Variants in SOX13 observed in about 807,000 individuals in gnomAD.
SOX13 encodes the protein SRY-box transcription factor 13.
A neutral mutation model predicts 71.8 loss-of-function variants in SOX13; 28 were observed. The ratio of observed to expected loss-of-function variants is 0.39; its 90% CI spans 0.29 to 0.53. SOX13 has a LOEUF of 0.53. SOX13 is among the 20% of genes least tolerant of loss of function. The probability of loss-of-function intolerance (pLI) is 0.70; values close to 1 mark genes in which losing one functional copy is unlikely to be tolerated. For missense variants in SOX13, 627 were observed against 810.3 expected (o/e 0.77, Z 2.75); for synonymous variants, 309 against 317.8 (o/e 0.97, Z 0.29).
intron 2 of SOX13, among the ~76,000 whole-genome samples, chr1:204,113,770 G>C (rs1656633686): frequency 6.6e-6 from 1 of 152,146 alleles, no homozygotes; most frequent in Non-Finnish European, 1.5e-5. Flanking sequence ...TGGAGAAGTA[G>C]AGCCTCAAGC....
At chr1:204,124,967 CTGTGTGTATGCGTACG>C in intron 13 of SOX13, 110 bp downstream of exon 13, 1 of 778,620 alleles carries the variant, frequency 1.3e-6, no homozygotes, top group Non-Finnish European at 2.2e-6. Context: ...CCCAGGGGTG[CTGTGTGTATGCGTACG>C]TGTGTGTGTT....
At chr1:204,094,262 G>T (rs576525523) in intron 1 of SOX13, among the ~76,000 whole-genome samples, 11 of 152,186 alleles carry the variant, frequency 7.2e-5, no homozygotes, top group Non-Finnish European at 1.0e-4. Flanking sequence ...TTGAGTTTGT[G>T]GCAGAGTTGA....
chr1:204,074,870 G>A (rs999384990), intron 1 of SOX13, among the ~76,000 whole-genome samples: 1 of 152,252 alleles, frequency 6.6e-6, no homozygotes, highest in African/African-American at 2.4e-5. Flanking sequence ...CAGAGGCTTG[G>A]AGGAAGCCGA....
chr1:204,092,634 T>C (rs2102233438), intron 1 of SOX13, among the ~76,000 whole-genome samples: 1 of 152,250 alleles, frequency 6.6e-6, no homozygotes, highest in African/African-American at 2.4e-5. Context: ...AAGTGGGAGC[T>C]GATATTAGTG....
chr1:204,097,176 G>A (rs916635757), intron 1 of SOX13, among the ~76,000 whole-genome samples: 22 of 152,180 alleles, frequency 1.4e-4, no homozygotes, highest in African/African-American at 5.1e-4. Context: ...TTGGGAGGGT[G>A]GATGTCCCTA....
chr1:204,126,300 C>T lies in SOX13; in HGVS notation c.*166C>T. ...ATACATTCATGAGGGGAGAGGCGCCCTCCCTTCCTGAGGAGCTGTTGGCCT... is the reference window on the plus strand; with the variant it reads ...ATACATTCATGAGGGGAGAGGCGCCTTCCCTTCCTGAGGAGCTGTTGGCCT... On this transcript the variant is annotated 3_prime_UTR_variant, in exon 14 of 14. Transcript: ENST00000367204. The T allele has an allele frequency of 1.3e-6, 1 of 749,508 alleles. No homozygotes were observed. Among genetic ancestry groups the T allele is most frequent in the Non-Finnish European group, 2.1e-6 (1 of 465,904 alleles). 46.4% of individuals were successfully genotyped at this position (749,508 alleles called of 1,614,324 possible). A position where few individuals can be genotyped will look rare whatever the true frequency, so the allele number is the denominator to read the frequency against.
intron 13 of SOX13, among the ~76,000 whole-genome samples, chr1:204,125,302 C>A (rs981851928): frequency 1.3e-5 from 2 of 152,186 alleles, no homozygotes; most frequent in Non-Finnish European, 2.9e-5. Flanking sequence ...TAGTGACACA[C>A]GCCTGTAATG....
At position 204,073,387 on chromosome 1, in the gene SOX13, C is replaced by T. The variant is rs1248409931; in HGVS notation, c.-326C>T. The T allele has an allele frequency of 2.0e-5, 3 of 152,354 alleles. No individual in the cohort carries two copies. The highest frequency in any genetic ancestry group is 4.4e-5 in the Non-Finnish European group (3 of 68,176). 9.4% of individuals were successfully genotyped at this position (152,354 alleles called of 1,614,324 possible). A position where few individuals can be genotyped will look rare whatever the true frequency, so the allele number is the denominator to read the frequency against. Reference sequence around the variant, plus strand: ...GGACCGCGGAAGGCAGGGAGACGGCCGCAAGCCCAGGGCAGAGGGCAGAGG... The same window carrying T: ...GGACCGCGGAAGGCAGGGAGACGGCTGCAAGCCCAGGGCAGAGGGCAGAGG... On this transcript the variant is annotated 5_prime_UTR_variant, in exon 1 of 14. Transcript: ENST00000367204. This position sits in a 1 kb window ranked among gnomAD's most constrained non-coding sequence, Gnocchi z 6.8.
At chr1:204,093,622 C>T (rs1342340510) in intron 1 of SOX13, among the ~76,000 whole-genome samples, 2 of 152,168 alleles carry the variant, frequency 1.3e-5, no homozygotes, top group African/African-American at 4.8e-5. Context: ...GCCCAGCAGG[C>T]GGAGAGGGTT....
intron 1 of SOX13, among the ~76,000 whole-genome samples, chr1:204,102,528 G>T (rs780460260): frequency 6.6e-6 from 1 of 152,024 alleles, no homozygotes; most frequent in Non-Finnish European, 1.5e-5. Context: ...GCACTGTGGG[G>T]CACCTGCTGG....
chr1:204,082,902 G>T, intron 1 of SOX13, among the ~76,000 whole-genome samples: 1 of 152,186 alleles, frequency 6.6e-6, no homozygotes, highest in East Asian at 1.9e-4. Flanking sequence ...CTAGGTGAAT[G>T]GGCCTTTCTT....
In SOX13 at chr1:204,091,733, CGTGTGT is replaced by C. The variant is rs4018610; in HGVS notation, c.-2+18041_-2+18046del. On this transcript the variant is annotated intron_variant, in intron 1 of 13. Transcript: ENST00000367204. ...TTTTCGTTTTCTTTGTGTGCGTGTG[CGTGTGT>C]GTGTGTGTGTGTGTGTGTTTGTGTT... Among the ~76,000 whole-genome samples the C allele has an allele frequency of 4.7e-3, 712 of 150,326 alleles. 6 individuals are homozygous for C. The highest frequency in any genetic ancestry group is 0.016 in the African/African-American group (661 of 40,870).
chr1:204,078,969 G>A (rs1655839312), intron 1 of SOX13, among the ~76,000 whole-genome samples: 1 of 152,190 alleles, frequency 6.6e-6, no homozygotes, highest in South Asian at 2.1e-4. Flanking sequence ...CCAGCTTAAA[G>A]CCCCATGGTG....
In SOX13 at chr1:204,122,266, C is replaced by T. The variant is rs1656823554; in HGVS notation, c.891C>T (p.Ala297=). The T allele has an allele frequency of 6.3e-7, 1 of 1,591,646 alleles. No homozygotes were observed. Among genetic ancestry groups the T allele is most frequent in the Non-Finnish European group, 8.5e-7 (1 of 1,169,624 alleles). ...QEPSQPLNLT[A]KPKAPELPNT... is the part of the protein sequence containing the mutation. ...CCTCCCAGCCCCTGAACCTCACAGC[C>T]AAGCCCAAGGCCCCCGAGCTGCCCA... Residue 297 remains alanine (A), a synonymous_variant, in exon 9 of 14, where the codon GCC becomes GCT. Coordinates refer to ENST00000367204, the MANE Select transcript of SOX13 (RefSeq NM_005686.3).
chr1:204,126,041 G>A lies in SOX13; in HGVS notation c.1776G>A (p.Ser592=), dbSNP rs746126902. 3.2e-5 allele frequency: 52 copies of A among 1,613,866 alleles called. No homozygotes were observed. The highest frequency in any genetic ancestry group is 4.4e-5 in the Non-Finnish European group (52 of 1,179,896). Residue 592 remains serine, a synonymous_variant, in exon 14 of 14, where the codon TCG becomes TCA. Transcript: ENST00000367204. ...GTGAGGGCACAGATGACAGGCACTC[G>A]GTGGCTGATGGCGAGATGTACCGGT... ...EEGEGTDDRH[S]VADGEMYRYS...
chr1:204,110,527 T>A lies in SOX13; in HGVS notation c.-1-2388T>A, dbSNP rs114158033. ...TAAATAGTTTTTGCACTATATTGTC[T>A]AGGGAATAATGACAAGTCTACTTGT... On this transcript the variant is annotated intron_variant, in intron 1 of 13. Coordinates refer to ENST00000367204, the MANE Select transcript of SOX13 (RefSeq NM_005686.3). 2.5e-3 allele frequency among the ~76,000 whole-genome samples: 373 copies of A among 152,194 alleles called. 2 individuals are homozygous for A. Among genetic ancestry groups the A allele is most frequent in the African/African-American group, 8.5e-3 (354 of 41,554 alleles).
chr1:204,095,449 G>A (rs552807580), intron 1 of SOX13, among the ~76,000 whole-genome samples: 146 of 152,182 alleles, frequency 9.6e-4, no homozygotes, highest in Non-Finnish European at 1.6e-3. Flanking sequence ...TCTGGGTCTT[G>A]CTGCTTCTAG....
At position 204,123,082 on chromosome 1, in the gene SOX13, G is replaced by T. The variant is rs763350481; in HGVS notation, c.1135-30G>T. The T allele has an allele frequency of 6.3e-7, 1 of 1,585,652 alleles. No homozygotes were observed. The highest frequency in any genetic ancestry group is 2.2e-5 in the East Asian group (1 of 44,688). ...GGAGGAGTGGGGTGATGCAGAGGAG[G>T]CTGATGTCAGGTTGCCCCTGTCAAC... On this transcript the variant is annotated intron_variant, in intron 10 of 13. Coordinates refer to ENST00000367204, the MANE Select transcript of SOX13 (RefSeq NM_005686.3). The surrounding 1 kb of genome is among the most constrained non-coding windows in gnomAD (Gnocchi z 5.0).
intron 1 of SOX13, among the ~76,000 whole-genome samples, chr1:204,095,384 G>A (rs1656232670): frequency 1.3e-5 from 2 of 152,156 alleles, no homozygotes. Context: ...GCCTTTAATT[G>A]TTTCTAGAGG....
Sources: gnomAD v4.1 joint callset for allele counts (sites outside exome capture counted in the v4.1 genomes callset) on GRCh38, gnomAD v4.1.1 for gene constraint, Gnocchi (gnomAD v3.1) non-coding constraint, MANE v1.5 for transcripts, NCBI Gene and HGNC (gene_info 2026-07-23, HGNC 2026-07-21) for gene names.